Variants in UBFD1 observed in about 807,000 individuals in gnomAD.
UBFD1 encodes the protein ubiquitin domain-containing protein UBFD1.
In UBFD1, 12 loss-of-function variants were observed where a neutral mutation model predicts 35.1. That is an observed-to-expected ratio of 0.34 (90% CI 0.22 to 0.55). UBFD1 has a LOEUF of 0.55. Ranked by LOEUF, UBFD1 falls within the 20% of genes least tolerant of loss-of-function variation. The pLI is 0.89. For synonymous variants in UBFD1, 178 were observed against 167.6 expected, an observed-to-expected ratio of 1.06 and a Z score of -0.48; for missense variants, 337 against 410.8, an observed-to-expected ratio of 0.82 and a Z score of 1.55.
chr16:23,558,078 G>T lies in UBFD1; in HGVS notation c.154G>T (p.Gly52Cys), dbSNP rs761424503. 6.8e-7 allele frequency: 1 copy of T among 1,466,500 alleles called. No individual in the cohort carries two copies. The highest frequency in any genetic ancestry group is 1.4e-5 in the South Asian group (1 of 73,252). 90.8% of individuals were successfully genotyped at this position (1,466,500 alleles called of 1,614,324 possible). The change falls in exon 2 of 7, where the codon GGC (glycine) becomes TGC (cysteine). Residue 52 changes from glycine (G) to cysteine (C), a missense_variant. Physicochemically the swap from Gly to Cys is radical, Grantham distance 159. This residue lies in a region of UBFD1 where 198 missense variants were observed against 168.4 expected (regional missense o/e 1.18). Coordinates refer to ENST00000395878, the MANE Select transcript of UBFD1 (RefSeq NM_019116.3). ...AAAEDSGAARGSLQPAPAQPP... is the reference protein window; with the variant it reads ...AAAEDSGAARCSLQPAPAQPP... ...GGCCGAGGACTCCGGCGCCGCACGA[G>T]GCAGCCTGCAGCCGGCCCCGGCCCA...
intron 3 of UBFD1, chr16:23,560,040 T>C (rs1965906916): frequency 3.4e-6 from 1 of 290,226 alleles, no homozygotes; most frequent in South Asian, 1.3e-4. Flanking sequence ...CATTTGGCTT[T>C]TTGGTTTGTG....
At chr16:23,562,371 T>C in intron 4 of UBFD1, 100 bp downstream of exon 4, 1 of 1,195,910 alleles carries the variant, frequency 8.4e-7, no homozygotes, top group Non-Finnish European at 1.2e-6. Flanking sequence ...TCCCTGTTTT[T>C]TTTTTTTTGA....
Position 23,562,660 on chromosome 16 carries a change from C to G in UBFD1, c.666C>G (p.Tyr222Ter). 2 of 1,614,168 alleles carry G rather than the reference C, an allele frequency of 1.2e-6. No individual in the cohort carries two copies. Among genetic ancestry groups the G allele is most frequent in the Non-Finnish European group, 1.7e-6 (2 of 1,180,032 alleles). Residue 222 changes from tyrosine to a stop codon, truncating the protein, a stop_gained, in exon 5 of 7, where the codon TAC becomes TAG. Coordinates refer to ENST00000395878, the MANE Select transcript of UBFD1 (RefSeq NM_019116.3). LOFTEE classifies it high-confidence loss of function. ...RLPTVPLSGMYNKSGGKVRLT... is the reference protein window; with the variant it reads ...RLPTVPLSGM ...CAACGGTACCGCTGTCCGGCATGTA[C>G]AATAAATCTGGAGGAAAAGTGAGAC...
In UBFD1 at chr16:23,562,605, C is replaced by G; in HGVS notation, c.631-20C>G. The G allele has an allele frequency of 6.2e-7, 1 of 1,610,558 alleles. No homozygotes were observed. Among genetic ancestry groups the G allele is most frequent in the Non-Finnish European group, 8.5e-7 (1 of 1,177,430 alleles). On this transcript the variant is annotated intron_variant, in intron 4 of 6. Coordinates refer to ENST00000395878, the MANE Select transcript of UBFD1 (RefSeq NM_019116.3). ...TTTCTGACTGTCCCTCCATCTCTTA[C>G]CATTCTCTCGTGCCTTCAGGAGCGC...
rs369313677 is a variant in UBFD1 at position 23,562,159 on chromosome 16, C to T, written c.565-47C>T. The T allele has an allele frequency of 5.1e-5, 79 of 1,543,592 alleles. No homozygotes were observed. The Admixed American group carries it at 1.0e-3, about 20-fold the overall frequency. ...CTCTTTCAAGGGAATAGTAACACGA[C>T]GAAATGTAGTCAGCTGTTTCATTTC... On this transcript the variant is annotated intron_variant, in intron 3 of 6. Transcript: ENST00000395878.
In UBFD1 at chr16:23,570,341, T is replaced by G. The variant is rs1779525845; in HGVS notation, c.820-139T>G. 15 of 662,842 alleles carry G rather than the reference T, an allele frequency of 2.3e-5. 1 individual carries two copies. In the South Asian group the frequency reaches 2.8e-4, roughly 13 times the overall value. 41.1% of individuals were successfully genotyped at this position (662,842 alleles called of 1,614,324 possible). ...CTGTTTTTGTTTTTGGTTGGGAGAATGCTCCCCACGTGCAAAGTTTTGTTT... is the reference window on the plus strand; with the variant it reads ...CTGTTTTTGTTTTTGGTTGGGAGAAGGCTCCCCACGTGCAAAGTTTTGTTT... On this transcript the variant is annotated intron_variant, in intron 6 of 6. Transcript: ENST00000395878.
chr16:23,560,837 C>G (rs866225914), intron 3 of UBFD1, among the ~76,000 whole-genome samples: 5 of 152,188 alleles, frequency 3.3e-5, no homozygotes, highest in Admixed American at 1.3e-4. Context: ...AGACTTCACC[C>G]CCACATATGG....
chr16:23,564,119 A>G (rs1044750822), intron 5 of UBFD1: 1 of 152,192 alleles, frequency 6.6e-6, no homozygotes, highest in African/African-American at 2.4e-5. Context: ...GGTAAATGCT[A>G]AAGAGAAGTA....
Position 23,570,480 on chromosome 16 carries a change from G to A in UBFD1, c.820G>A (p.Ala274Thr). The change falls in exon 7 of 7, where the codon GCG becomes ACG. Residue 274 changes from alanine (A) to threonine (T), a missense_variant and splice_region_variant. Transcript: ENST00000395878. ...IEGHEDYHMM[A>T]FQLGPTEASY... ...CTTGGTTTTCCTTTTTCCCTTCCAGGCGTTTCAGTTGGGCCCCACGGAAGC... is the reference window on the plus strand; with the variant it reads ...CTTGGTTTTCCTTTTTCCCTTCCAGACGTTTCAGTTGGGCCCCACGGAAGC... The A allele has an allele frequency of 6.2e-7, 1 of 1,613,130 alleles. No homozygotes were observed. Among genetic ancestry groups the A allele is most frequent in the Non-Finnish European group, 8.5e-7 (1 of 1,179,600 alleles).
chr16:23,567,867 A>G (rs915076477), intron 6 of UBFD1, among the ~76,000 whole-genome samples: 2 of 152,286 alleles, frequency 1.3e-5, no homozygotes, highest in African/African-American at 2.4e-5. Context: ...TGATGAAGCC[A>G]CATCAGCCCA....
intron 6 of UBFD1, 72 bp downstream of exon 6, chr16:23,567,141 T>G (rs931253138): frequency 7.0e-7 from 1 of 1,427,300 alleles, no homozygotes; most frequent in Admixed American, 1.9e-5. Flanking sequence ...CAGTTTTAAC[T>G]GAGCTTGTTT....
Position 23,559,488 on chromosome 16 carries a change from A to G in UBFD1, c.376A>G (p.Lys126Glu). 6.2e-7 allele frequency: 1 copy of G among 1,613,908 alleles called. No individual in the cohort carries two copies. The highest frequency in any genetic ancestry group is 8.5e-7 in the Non-Finnish European group (1 of 1,179,988). ...CCAAGGTCTCCCGCCTGCCATGCAG[A>G]AAGTCATGTATAAGGGACTCGTCCC... ...SITGLPPAMQKVMYKGLVPED... is the reference protein window; with the variant it reads ...SITGLPPAMQEVMYKGLVPED... Residue 126 changes from lysine to glutamate, a missense_variant, in exon 3 of 7, where the codon AAA becomes GAA. Transcript: ENST00000395878.
intron 6 of UBFD1, among the ~76,000 whole-genome samples, chr16:23,567,277 A>G (rs1966024645): frequency 2.0e-5 from 3 of 151,868 alleles, no homozygotes; most frequent in Admixed American, 6.6e-5. Context: ...CCCCACACAC[A>G]CCTTCCATCA....
intron 6 of UBFD1, 109 bp downstream of exon 6, chr16:23,567,178 G>A: frequency 9.7e-7 from 1 of 1,032,890 alleles, no homozygotes; most frequent in African/African-American, 1.6e-5. Flanking sequence ...GTCTCCAGAA[G>A]ATGCACTTTT....
intron 2 of UBFD1, 95 bp downstream of exon 2, chr16:23,558,374 G>C: frequency 2.1e-6 from 3 of 1,460,586 alleles, no homozygotes; most frequent in Non-Finnish European, 2.8e-6. Context: ...CTTGCATCAG[G>C]TCCCCCCATC....
chr16:23,570,551 A>G lies in UBFD1; in HGVS notation c.891A>G (p.Ala297=), dbSNP rs755392549. 2 of 1,613,964 alleles carry G rather than the reference A, an allele frequency of 1.2e-6. No individual in the cohort carries two copies. Among genetic ancestry groups the G allele is most frequent in the East Asian group, 2.2e-5 (1 of 44,884 alleles). The part of the protein sequence containing the change: ...VYWVPTQYVD[A]IKDTVLGKWQ... ...GGGTTCCAACTCAATATGTGGATGC[A>G]ATCAAAGACACTGTGCTGGGGAAAT... The change falls in exon 7 of 7, where the codon GCA becomes GCG. Residue 297 remains alanine (A), a synonymous_variant. Coordinates refer to ENST00000395878, the MANE Select transcript of UBFD1 (RefSeq NM_019116.3).
At chr16:23,559,842 G>T in intron 3 of UBFD1, 166 bp downstream of exon 3, 2 of 1,538,120 alleles carry the variant, frequency 1.3e-6, no homozygotes, top group Non-Finnish European at 1.7e-6. Flanking sequence ...AACTACCTGA[G>T]ATTTGCAACT....
chr16:23,566,698 A>G, intron 5 of UBFD1: 1 of 284,982 alleles, frequency 3.5e-6, no homozygotes. Flanking sequence ...TAACCATCAG[A>G]CTTTTAAAAA....
intron 5 of UBFD1, chr16:23,564,530 A>G (rs1003777925): frequency 6.6e-6 from 1 of 152,198 alleles, no homozygotes; most frequent in African/African-American, 2.4e-5. Context: ...TAAGCTGCCC[A>G]GCCTCTGTCA....
Sources: allele counts gnomAD v4.1 joint callset (sites outside exome capture counted in the v4.1 genomes callset), GRCh38; gene constraint gnomAD v4.1.1; regional missense constraint gnomAD v4.1.1; transcripts MANE v1.5; gene names NCBI Gene and HGNC (gene_info 2026-07-23, HGNC 2026-07-21).